BPTF: variants seen among roughly 807,000 people sequenced by gnomAD.
BPTF encodes nucleosome-remodeling factor subunit BPTF.
Under a neutral mutation model 292.5 loss-of-function variants are expected in BPTF, and 18 were observed. That is an observed-to-expected ratio of 0.06 (90% confidence interval 0.04 to 0.09). The LOEUF (loss-of-function observed/expected upper bound fraction) is 0.09, where lower values mean the gene tolerates loss of function less well. Ranked by LOEUF, BPTF falls within the 10% of genes least tolerant of loss-of-function variation. The pLI, the probability that BPTF is intolerant of heterozygous loss-of-function variation, is 1.00. For missense variants in BPTF, 2,726 were observed against 3,498.7 expected, an observed-to-expected ratio of 0.78 and a Z score of 5.57; for synonymous variants, 1,225 against 1,251.9, an observed-to-expected ratio of 0.98 and a Z score of 0.45.
intron 1 of BPTF, among the ~76,000 whole-genome samples, chr17:67,844,070 CTTTTTTTTTTTTT>C (rs35407119): frequency 1.1e-5 from 1 of 94,350 alleles, no homozygotes; most frequent in Non-Finnish European, 2.1e-5. Flanking sequence ...CGGCCCCCGC[CTTTTTTTTTTTTT>C]TTTTTTTTTT....
intron 3 of BPTF, 135 bp from the exon 4 acceptor site, chr17:67,874,682 A>G: frequency 1.8e-6 from 1 of 565,938 alleles, no homozygotes; most frequent in Non-Finnish European, 3.1e-6. Flanking sequence ...TTTTTATTTC[A>G]TAGGTCTAAT....
intron 23 of BPTF, among the ~76,000 whole-genome samples, chr17:67,953,062 C>T (rs529636850): frequency 2.6e-5 from 4 of 151,664 alleles, no homozygotes; most frequent in African/African-American, 7.3e-5. Context: ...CCCGGGTTCA[C>T]GCCAGTCTCC....
At chr17:67,932,127 C>T (rs2064449984) in intron 18 of BPTF, 108 bp downstream of exon 18, 1 of 876,458 alleles carries the variant, frequency 1.1e-6, no homozygotes, top group Non-Finnish European at 1.8e-6. Flanking sequence ...TTAATTAGTA[C>T]TTCAAAGCAT....
chr17:67,881,852 G>GTTT (rs1280950839), intron 4 of BPTF, among the ~76,000 whole-genome samples: 19 of 38,398 alleles, frequency 4.9e-4, no homozygotes, highest in South Asian at 2.5e-3. Context: ...GGGATTTTGG[G>GTTT]TTTTTGTTTT....
Position 67,959,549 on chromosome 17 carries a change from G to A in BPTF, c.7935G>A (p.Leu2645=), listed in dbSNP as rs1025776669. ...KDLQIEVQEE[L]KRDLKIKKEK... Reference sequence around the variant, plus strand: ...TCTTTAATTGATAACAGGAAGAGCTGAAGAGAGACCTGAAAATTAAGAAAG... The same window carrying A: ...TCTTTAATTGATAACAGGAAGAGCTAAAGAGAGACCTGAAAATTAAGAAAG... The change falls in exon 24 of 28, where the codon CTG becomes CTA. Residue 2645 remains leucine (L), a synonymous_variant. Transcript: ENST00000306378. 2.0e-6 allele frequency: 3 copies of A among 1,520,664 alleles called. No individual in the cohort carries two copies. Among genetic ancestry groups the A allele is most frequent in the Non-Finnish European group, 2.6e-6 (3 of 1,138,560 alleles). The allele number at this position is 1,520,664 out of a possible 1,614,324, so 94.2% of individuals were successfully genotyped here.
chr17:67,858,012 T>C (rs941907618), intron 2 of BPTF, among the ~76,000 whole-genome samples: 3 of 150,808 alleles, frequency 2.0e-5, no homozygotes, highest in Non-Finnish European at 4.4e-5. Flanking sequence ...GGTCTCGAAC[T>C]CCTGACCTTG....
intron 9 of BPTF, among the ~76,000 whole-genome samples, chr17:67,908,456 A>G (rs2062389440): frequency 6.7e-6 from 1 of 149,532 alleles, no homozygotes. Context: ...CACTCACCCA[A>G]ATTTTATCAC....
Position 67,931,986 on chromosome 17 carries a change from G to A in BPTF, c.6226G>A (p.Ala2076Thr), listed in dbSNP as rs1421760603. The stretch of plus-strand genomic sequence containing the variant: ...ACTCCAACAGTCAACACTAGGAAAG[G>A]CAATTATTCGAACACCTGTGATGGT... Reference protein sequence around the residue: ...TPLQQSTLGKAIIRTPVMVQP... With the variant: ...TPLQQSTLGKTIIRTPVMVQP... The change falls in exon 18 of 28, where the codon GCA becomes ACA. Residue 2076 changes from alanine to threonine, a missense_variant. This residue lies in a region of BPTF where 570 missense variants were observed against 633.5 expected (regional missense o/e 0.90). Transcript: ENST00000306378. The A allele has an allele frequency of 1.9e-6, 3 of 1,613,932 alleles. No individual in the cohort carries two copies. Among genetic ancestry groups the A allele is most frequent in the African/African-American group, 2.7e-5 (2 of 74,920 alleles).
At chr17:67,883,265 G>A (rs2060540920) in intron 4 of BPTF, among the ~76,000 whole-genome samples, 1 of 151,112 alleles carries the variant, frequency 6.6e-6, no homozygotes, top group Non-Finnish European at 1.5e-5. Context: ...GCAGTGAGCT[G>A]AGATCACGCC....
chr17:67,870,178 A>G (rs550527361), intron 3 of BPTF, among the ~76,000 whole-genome samples: 6 of 152,132 alleles, frequency 3.9e-5, no homozygotes, highest in African/African-American at 1.4e-4. Context: ...CATGGAGTAC[A>G]TGGAAATAAG....
At chr17:67,977,083 G>A (rs1555694378) in intron 27 of BPTF, among the ~76,000 whole-genome samples, 2 of 152,246 alleles carry the variant, frequency 1.3e-5, no homozygotes, top group South Asian at 2.1e-4. Context: ...GATTATGGAA[G>A]AATAAATCTA....
chr17:67,847,406 C>T (rs774356543), intron 1 of BPTF, among the ~76,000 whole-genome samples: 5 of 151,952 alleles, frequency 3.3e-5, no homozygotes, highest in African/African-American at 4.8e-5. Flanking sequence ...TCCAGCTACT[C>T]GGGAGGCTGA....
At chr17:67,935,114 A>G (rs1446768469) in intron 18 of BPTF, among the ~76,000 whole-genome samples, 1 of 151,754 alleles carries the variant, frequency 6.6e-6, no homozygotes, top group East Asian at 2.0e-4. Context: ...TTAGAAACAT[A>G]TATAAAACAA....
chr17:67,934,075 A>G (rs1319222212), intron 18 of BPTF, among the ~76,000 whole-genome samples: 1 of 152,176 alleles, frequency 6.6e-6, no homozygotes, highest in Non-Finnish European at 1.5e-5. Context: ...AATAATTCAT[A>G]GGCTTTTTGG....
chr17:67,846,134 C>G (rs2058014330), intron 1 of BPTF, among the ~76,000 whole-genome samples: 2 of 152,058 alleles, frequency 1.3e-5, no homozygotes, highest in African/African-American at 2.4e-5. Flanking sequence ...ATAAATCTTT[C>G]AAATATAAAA....
chr17:67,845,775 AAT>A (rs971806156), intron 1 of BPTF, among the ~76,000 whole-genome samples: 7 of 150,552 alleles, frequency 4.6e-5, no homozygotes, highest in African/African-American at 1.7e-4. Context: ...TGTCTCAAAA[AAT>A]ATATATATTT....
intron 13 of BPTF, among the ~76,000 whole-genome samples, chr17:67,921,632 T>C (rs1034580620): frequency 3.3e-5 from 5 of 152,242 alleles, no homozygotes; most frequent in African/African-American, 1.2e-4. Flanking sequence ...AATTAATTTT[T>C]GAAACTTGAT....
intron 1 of BPTF, among the ~76,000 whole-genome samples, chr17:67,826,926 CT>C (rs1487230469): frequency 4.6e-5 from 7 of 152,134 alleles, no homozygotes; most frequent in Non-Finnish European, 8.8e-5. Flanking sequence ...GTAGGGGAAC[CT>C]TATCTGGTCC....
At chr17:67,925,261 A>G (rs1245660280) in intron 15 of BPTF, among the ~76,000 whole-genome samples, 1 of 152,128 alleles carries the variant, frequency 6.6e-6, no homozygotes, top group Non-Finnish European at 1.5e-5. Context: ...CCAATCTGGA[A>G]AATTTCTGTA....
Sources: allele counts gnomAD v4.1 joint callset (sites outside exome capture counted in the v4.1 genomes callset), GRCh38; gene constraint gnomAD v4.1.1; regional missense constraint gnomAD v4.1.1; transcripts MANE v1.5; gene names NCBI Gene and HGNC (gene_info 2026-07-23, HGNC 2026-07-21).